The following CSMD1 variants were observed in gnomAD, a reference collection of about 807,000 sequenced individuals.
The protein encoded by CSMD1 is CUB and Sushi multiple domains 1.
Under a neutral mutation model 417.5 loss-of-function variants are expected in CSMD1, and 213 were observed. The ratio of observed to expected loss-of-function variants is 0.51; its 90% CI spans 0.46 to 0.57. CSMD1 has a LOEUF of 0.57. Among genes scored for constraint, CSMD1 ranks in the 20% least tolerant of loss-of-function variants. CSMD1 has a pLI of 0.00. For missense variants in CSMD1, 6,923 were observed against 4,529.7 expected, an observed-to-expected ratio of 1.53 and a Z score of -15.17; for synonymous variants, 2,862 against 1,736.8, an observed-to-expected ratio of 1.65 and a Z score of -16.11.
chr8:3,602,961 A>C (rs1801433574), intron 8 of CSMD1, among the ~76,000 whole-genome samples: 1 of 152,152 alleles, frequency 6.6e-6, no homozygotes, highest in African/African-American at 2.4e-5. Context: ...TTGATGAAAA[A>C]ATTACTTTTC....
At chr8:4,301,797 G>T (rs1585190195) in intron 3 of CSMD1, among the ~76,000 whole-genome samples, 1 of 152,244 alleles carries the variant, frequency 6.6e-6, no homozygotes, top group African/African-American at 2.4e-5. Context: ...TCTTGATTTT[G>T]CCAGGGGGGT....
At chr8:3,903,821 C>T (rs763543490) in intron 5 of CSMD1, among the ~76,000 whole-genome samples, 11 of 152,102 alleles carry the variant, frequency 7.2e-5, no homozygotes, top group Non-Finnish European at 1.0e-4. Flanking sequence ...ATGTTTTCTT[C>T]GAGCTCTGAG....
At chr8:4,381,671 G>A (rs1161006462) in intron 3 of CSMD1, among the ~76,000 whole-genome samples, 1 of 152,184 alleles carries the variant, frequency 6.6e-6, no homozygotes, top group Non-Finnish European at 1.5e-5. Flanking sequence ...ATTCCCCAGT[G>A]TTGTGTGGGA....
intron 2 of CSMD1, among the ~76,000 whole-genome samples, chr8:4,453,244 C>T (rs939063433): frequency 6.8e-6 from 1 of 147,700 alleles, no homozygotes; most frequent in African/African-American, 2.5e-5. Context: ...CACACACACA[C>T]TGAACCTCCT....
chr8:4,747,515 G>A (rs929172308), intron 1 of CSMD1, among the ~76,000 whole-genome samples: 1 of 152,140 alleles, frequency 6.6e-6, no homozygotes, highest in Non-Finnish European at 1.5e-5. Context: ...AAAACCCAAA[G>A]CAAATCACTA....
intron 2 of CSMD1, among the ~76,000 whole-genome samples, chr8:4,508,778 A>G (rs1490894782): frequency 6.6e-6 from 1 of 152,192 alleles, no homozygotes; most frequent in African/African-American, 2.4e-5. Context: ...ATTTCAGTGG[A>G]ATGTCAAAAC....
At chr8:4,322,792 C>A (rs1018864643) in intron 3 of CSMD1, among the ~76,000 whole-genome samples, 1 of 152,140 alleles carries the variant, frequency 6.6e-6, no homozygotes, top group Non-Finnish European at 1.5e-5. Context: ...TTCAGGAGTA[C>A]AAGACCAGCC....
At chr8:3,895,201 A>G (rs762528160) in intron 5 of CSMD1, among the ~76,000 whole-genome samples, 119 of 152,320 alleles carry the variant, frequency 7.8e-4, no homozygotes, top group Middle Eastern at 3.4e-3. Flanking sequence ...TACTAAGAAA[A>G]TGGATTTAAT....
rs564653441 is a variant in CSMD1, at chr8:4,528,775, C to A, written c.302+108567G>T. Among the ~76,000 whole-genome samples the A allele has an allele frequency of 5.3e-5, 5 of 93,920 alleles. No homozygotes were observed. In the East Asian group the frequency reaches 1.4e-3, roughly 25 times the overall value. The allele number at this position is 93,920 out of a possible 152,430, so 61.6% of individuals were successfully genotyped here. ...ATGCTGCTGAATTTTCACATAAGAGCTCACTTTCTCTCTCTCTCTCTCTCT... is the reference window on the plus strand; with the variant it reads ...ATGCTGCTGAATTTTCACATAAGAGATCACTTTCTCTCTCTCTCTCTCTCT... On this transcript the variant is annotated intron_variant, in intron 2 of 69. Transcript: ENST00000635120.
rs538364493 is a variant in CSMD1, at chr8:4,031,893, G to T, written c.610+12C>A. On this transcript the variant is annotated intron_variant, in intron 4 of 69. Transcript: ENST00000635120. ...CTGGAGTCTGCTCACCAGCCCCCTT[G>T]TAGCACTGTACCTCTGCAAAAGGGA... 6 of 1,604,780 alleles carry T rather than the reference G, an allele frequency of 3.7e-6. No homozygotes were observed. Among genetic ancestry groups the T allele is most frequent in the Non-Finnish European group, 1.7e-6 (2 of 1,173,750 alleles).
intron 3 of CSMD1, among the ~76,000 whole-genome samples, chr8:4,173,785 A>C (rs1797892293): frequency 6.6e-6 from 1 of 152,142 alleles, no homozygotes; most frequent in Admixed American, 6.5e-5. Flanking sequence ...TCTATGACTC[A>C]AAAGTTAGTG....
chr8:4,480,439 C>T (rs1046418541), intron 2 of CSMD1, among the ~76,000 whole-genome samples: 2 of 152,134 alleles, frequency 1.3e-5, no homozygotes, highest in Non-Finnish European at 2.9e-5. Context: ...GAGTCTATTG[C>T]GAGCATAACC....
chr8:4,596,862 TC>T (rs1289629551), intron 2 of CSMD1, among the ~76,000 whole-genome samples: 1 of 152,210 alleles, frequency 6.6e-6, no homozygotes, highest in Non-Finnish European at 1.5e-5. Context: ...TGGGGGCTGA[TC>T]TTTCCCATGC....
chr8:4,937,384 T>G (rs1014561519), intron 1 of CSMD1, among the ~76,000 whole-genome samples: 1 of 152,202 alleles, frequency 6.6e-6, no homozygotes, highest in African/African-American at 2.4e-5. Flanking sequence ...TAGTGTATTC[T>G]TTACTGGGAA....
At chr8:4,171,994 G>T (rs1410345049) in intron 3 of CSMD1, among the ~76,000 whole-genome samples, 1 of 151,892 alleles carries the variant, frequency 6.6e-6, no homozygotes, top group Non-Finnish European at 1.5e-5. Context: ...GAATATCACG[G>T]TTTAATACCA....
At chr8:4,630,309 C>G (rs1265890183) in intron 2 of CSMD1, among the ~76,000 whole-genome samples, 1 of 149,832 alleles carries the variant, frequency 6.7e-6, no homozygotes, top group East Asian at 2.0e-4. Flanking sequence ...CACACACTCT[C>G]ACAGTTGTTG....
At chr8:3,266,704 G>T (rs563043743) in intron 26 of CSMD1, among the ~76,000 whole-genome samples, 2 of 151,130 alleles carry the variant, frequency 1.3e-5, no homozygotes, top group African/African-American at 2.4e-5. Flanking sequence ...GAACCCAGGA[G>T]GCAGAGTTTG....
intron 16 of CSMD1, among the ~76,000 whole-genome samples, chr8:3,397,784 T>G (rs529692156): frequency 6.6e-6 from 1 of 152,206 alleles, no homozygotes; most frequent in Admixed American, 6.5e-5. Context: ...CAGGATGACG[T>G]TGGAAACAGA....
chr8:2,941,869 T>TA (rs1012246962), intron 69 of CSMD1, among the ~76,000 whole-genome samples: 9 of 152,238 alleles, frequency 5.9e-5, no homozygotes, highest in Non-Finnish European at 1.0e-4. Context: ...AAGGTTGAAA[T>TA]ACCTTCTAAA....
Sources: gnomAD v4.1 joint callset for allele counts (sites outside exome capture counted in the v4.1 genomes callset) on GRCh38, gnomAD v4.1.1 for gene constraint, MANE v1.5 for transcripts, NCBI Gene and HGNC (gene_info 2026-07-23, HGNC 2026-07-21) for gene names.